COX7A2L: variants seen among roughly 807,000 people sequenced by gnomAD.
COX7A2L encodes the protein cytochrome c oxidase subunit 7A2-like, mitochondrial.
Under a neutral mutation model 14.2 loss-of-function variants are expected in COX7A2L, and 18 were observed. The observed-to-expected ratio is 1.27, with a 90% confidence interval of 0.88 to 1.88. The LOEUF (loss-of-function observed/expected upper bound fraction) is 1.88, where lower values mean the gene tolerates loss of function less well. COX7A2L is among the 40% of genes most tolerant of loss of function. The pLI, the probability that COX7A2L is intolerant of heterozygous loss-of-function variation, is 0.00. For missense variants in COX7A2L, 179 were observed against 138.8 expected (o/e 1.29, Z -1.46); for synonymous variants, 65 against 57.4 (o/e 1.13, Z -0.60).
At position 42,353,353 on chromosome 2, in the gene COX7A2L, A is replaced by T. The variant is rs1043999384; in HGVS notation, c.73-10T>A. 1.9e-6 allele frequency: 3 copies of T among 1,611,512 alleles called. No homozygotes were observed. In the African/African-American group the frequency reaches 4.0e-5, roughly 22 times the overall value. On this transcript the variant is annotated splice_polypyrimidine_tract_variant and intron_variant, in intron 1 of 2. Transcript: ENST00000234301. ...CCACAGGCTTTAATCCCTGTAGAGA[A>T]AAAAAGGAAAATGGCAAGTTGAAAG...
chr2:42,366,564 G>C (rs962916056), intron 1 of COX7A2L, among the ~76,000 whole-genome samples: 2 of 152,186 alleles, frequency 1.3e-5, no homozygotes, highest in African/African-American at 2.4e-5. Context: ...TTAACAGGGT[G>C]ATTGCAAAGA....
chr2:42,354,567 T>C lies in COX7A2L; in HGVS notation c.73-1224A>G, dbSNP rs760895585. Among the ~76,000 whole-genome samples the C allele has an allele frequency of 2.6e-5, 4 of 152,218 alleles. No homozygotes were observed. In the East Asian group the frequency reaches 5.8e-4, roughly 22 times the overall value. ...CAAAGAAATCTAAATTTACCTATAA[T>C]TGACAGGGCATATTATAAAGATTAG... On this transcript the variant is annotated intron_variant, in intron 1 of 2. Coordinates refer to ENST00000234301, the MANE Select transcript of COX7A2L (RefSeq NM_004718.4).
upstream of COX7A2L, among the ~76,000 whole-genome samples, chr2:42,362,419 A>C (rs1280025289): frequency 6.6e-6 from 1 of 152,184 alleles, no homozygotes; most frequent in Non-Finnish European, 1.5e-5. Flanking sequence ...CATTGCCCTA[A>C]ACTCATTTAA....
At chr2:42,344,949 A>G (rs1317888122), downstream of COX7A2L, among the ~76,000 whole-genome samples, 2 of 152,196 alleles carry the variant, frequency 1.3e-5, no homozygotes, top group Non-Finnish European at 2.9e-5. Context: ...TTCAGCATCA[A>G]TTCCATTCCC....
At chr2:42,341,860 A>T (rs1670408917) in intron 2 of COX7A2L, among the ~76,000 whole-genome samples, 1 of 152,250 alleles carries the variant, frequency 6.6e-6, no homozygotes, top group Non-Finnish European at 1.5e-5. Context: ...CACTTTAATT[A>T]TTCAGTCAGA....
At chr2:42,341,260 C>A (rs1375161855) in intron 2 of COX7A2L, among the ~76,000 whole-genome samples, 1 of 152,142 alleles carries the variant, frequency 6.6e-6, no homozygotes, top group African/African-American at 2.4e-5. Context: ...TGAGAACTCA[C>A]ATCTACCCCT....
At chr2:42,346,654 C>G (rs1477229566), downstream of COX7A2L, among the ~76,000 whole-genome samples, 1 of 151,848 alleles carries the variant, frequency 6.6e-6, no homozygotes, top group Non-Finnish European at 1.5e-5. Flanking sequence ...TGTCCCACTA[C>G]TTAGGAGGGT....
upstream of COX7A2L, among the ~76,000 whole-genome samples, chr2:42,364,807 GC>G (rs1671128349): frequency 6.6e-6 from 1 of 152,192 alleles, no homozygotes; most frequent in African/African-American, 2.4e-5. Context: ...GGAAATGGCA[GC>G]TGGGATTGCA....
intron 1 of COX7A2L, among the ~76,000 whole-genome samples, chr2:42,367,531 A>T (rs553092882): frequency 6.6e-6 from 1 of 152,368 alleles, no homozygotes; most frequent in South Asian, 2.1e-4. Context: ...AAAGTATCTA[A>T]TGGAAGGCAA....
downstream of COX7A2L, among the ~76,000 whole-genome samples, chr2:42,346,623 G>C (rs1670502967): frequency 1.3e-5 from 2 of 151,958 alleles, no homozygotes; most frequent in South Asian, 4.1e-4. Context: ...TCTCCCAAAA[G>C]CTTACTGCAA....
intron 1 of COX7A2L, among the ~76,000 whole-genome samples, chr2:42,354,242 T>C (rs976482662): frequency 6.6e-6 from 1 of 152,196 alleles, no homozygotes; most frequent in African/African-American, 2.4e-5. Flanking sequence ...TTGTATGCTA[T>C]GTAAATTATA....
At position 42,354,496 on chromosome 2, in the gene COX7A2L, G is replaced by A. The variant is rs372541828; in HGVS notation, c.73-1153C>T. 1.3e-4 allele frequency among the ~76,000 whole-genome samples: 20 copies of A among 152,236 alleles called. No homozygotes were observed. The East Asian group carries it at 3.5e-3, about 26-fold the overall frequency. On this transcript the variant is annotated intron_variant, in intron 1 of 2. Coordinates refer to ENST00000234301, the MANE Select transcript of COX7A2L (RefSeq NM_004718.4). ...CCTTTTCCTTTTACAGACAAAGAAGGAAACCTCTTGCCCAAATACAGTGAT... is the reference window on the plus strand; with the variant it reads ...CCTTTTCCTTTTACAGACAAAGAAGAAAACCTCTTGCCCAAATACAGTGAT...
downstream of COX7A2L, among the ~76,000 whole-genome samples, chr2:42,344,845 C>G (rs139218020): frequency 1.3e-5 from 2 of 149,358 alleles, no homozygotes; most frequent in East Asian, 2.0e-4. Flanking sequence ...AGCAAGACTC[C>G]GCCTCAAAAA....
chr2:42,361,104 C>T lies in COX7A2L; in HGVS notation c.58G>A (p.Ala20Thr). ...QKLAGAWASE[A>T]YSPQGLKPVV... ...GCCACTCGTACCTGCGGGCTATAGG[C>T]CTCCGAAGCCCATGCTCCTGCCAAC... Residue 20 changes from alanine to threonine, a missense_variant, in exon 1 of 3, where the codon GCC becomes ACC. Ala to Thr is a moderately conservative substitution (Grantham distance 58). Transcript: ENST00000234301. 1 of 1,613,804 alleles carries T rather than the reference C, an allele frequency of 6.2e-7. No individual in the cohort carries two copies. Among genetic ancestry groups the T allele is most frequent in the Non-Finnish European group, 8.5e-7 (1 of 1,179,898 alleles).
downstream of COX7A2L, among the ~76,000 whole-genome samples, chr2:42,347,015 G>A (rs541122829): frequency 7.9e-5 from 12 of 152,132 alleles, no homozygotes; most frequent in South Asian, 2.1e-4. Flanking sequence ...GGGCTCAAGC[G>A]ATTCTCCTGC....
At chr2:42,346,406 G>A (rs1297270350), downstream of COX7A2L, among the ~76,000 whole-genome samples, 6 of 152,172 alleles carry the variant, frequency 3.9e-5, no homozygotes, top group African/African-American at 9.7e-5. Flanking sequence ...CTTGCAATCA[G>A]AAGAGGTTTG....
chr2:42,351,940 G>A (rs1670660775), intron 2 of COX7A2L, among the ~76,000 whole-genome samples: 2 of 152,162 alleles, frequency 1.3e-5, no homozygotes, highest in Admixed American at 1.3e-4. Context: ...CCATGAGTGT[G>A]CCACTACACT....
chr2:42,336,492 ATATGCAAAGCCTTCAGCCT>A (rs1670276167), intron 2 of COX7A2L, among the ~76,000 whole-genome samples: 1 of 152,156 alleles, frequency 6.6e-6, no homozygotes, highest in South Asian at 2.1e-4. Flanking sequence ...GAATTTCTTA[ATATGCAAAGCCTTCAGCCT>A]GGTCATCCCA....
At position 42,339,678 on chromosome 2, in the gene COX7A2L, T is replaced by C. The variant is rs562484534; in HGVS notation, c.193-5809A>G. Among the ~76,000 whole-genome samples, 10 of 152,256 alleles carry C rather than the reference T, an allele frequency of 6.6e-5. No individual in the cohort carries two copies. In the South Asian group the frequency reaches 1.2e-3, roughly 19 times the overall value. On this transcript the variant is annotated intron_variant, in intron 2 of 2. Transcript: ENST00000468711. This position sits in a 1 kb window ranked among gnomAD's most constrained non-coding sequence, Gnocchi z 5.4. ...CAATAAAGTGCAGAATCTCAGCGCATTGTGCACACATATACACCCACACAG... is the reference window on the plus strand; with the variant it reads ...CAATAAAGTGCAGAATCTCAGCGCACTGTGCACACATATACACCCACACAG...
Sources: allele counts gnomAD v4.1 joint callset (sites outside exome capture counted in the v4.1 genomes callset), GRCh38; gene constraint gnomAD v4.1.1; non-coding constraint Gnocchi (gnomAD v3.1); transcripts MANE v1.5; gene names NCBI Gene and HGNC (gene_info 2026-07-23, HGNC 2026-07-21).